Variants in SNX13 observed in about 807,000 individuals in gnomAD.
The protein encoded by SNX13 is sorting nexin-13.
A neutral mutation model predicts 133.6 loss-of-function variants in SNX13; 45 were observed. The ratio of observed to expected loss-of-function variants is 0.34; its 90% CI spans 0.27 to 0.43. The LOEUF is 0.43. SNX13 is among the 20% of genes least tolerant of loss of function. SNX13 has a pLI of 1.00. For missense variants in SNX13, 1,032 were observed against 1,145.1 expected, an observed-to-expected ratio of 0.90 and a Z score of 1.43; for synonymous variants, 414 against 373.9, an observed-to-expected ratio of 1.11 and a Z score of -1.24.
chr7:17,812,879 G>A (rs962350829), intron 20 of SNX13, among the ~76,000 whole-genome samples: 30 of 152,074 alleles, frequency 2.0e-4, no homozygotes, highest in Non-Finnish European at 2.6e-4. Context: ...ATCATTCTCA[G>A]GAAACTAACA....
At chr7:17,935,011 C>T (rs1260652769) in intron 1 of SNX13, among the ~76,000 whole-genome samples, 1 of 152,158 alleles carries the variant, frequency 6.6e-6, no homozygotes, top group Non-Finnish European at 1.5e-5. Context: ...CATACAATCT[C>T]ACTCCTGGGT....
intron 2 of SNX13, among the ~76,000 whole-genome samples, chr7:17,896,594 T>C (rs1322914865): frequency 6.6e-6 from 1 of 152,164 alleles, no homozygotes; most frequent in Non-Finnish European, 1.5e-5. Context: ...CAGTGTTCAT[T>C]CCACAACTAA....
In SNX13 at chr7:17,794,142, C is replaced by T. The variant is rs528497986; in HGVS notation, c.2777G>A (p.Arg926His). The change falls in exon 26 of 26, where the codon CGT becomes CAT. Residue 926 changes from arginine (R) to histidine (H), a missense_variant. Coordinates refer to ENST00000428135, the MANE Select transcript of SNX13 (RefSeq NM_015132.5). The stretch of plus-strand genomic sequence containing the variant: ...TGAATGCAGTTTGTTGAAAAGTTCA[C>T]GGAATTTATACTGTGGAAATAAGGT... Reference protein sequence around the residue: ...LETLFPQYKFRELFNKLHSRS... With the variant: ...LETLFPQYKFHELFNKLHSRS... 3.0e-5 allele frequency: 49 copies of T among 1,611,538 alleles called. No individual in the cohort carries two copies. The African/African-American group carries it at 4.0e-4, about 13-fold the overall frequency.
chr7:17,850,237 G>A, intron 11 of SNX13, 110 bp downstream of exon 11: 1 of 479,606 alleles, frequency 2.1e-6, no homozygotes. Flanking sequence ...AAGTCCTCTT[G>A]TAAAGTGCTG....
Position 17,793,859 on chromosome 7 carries a change from C to T in SNX13, c.*186G>A, listed in dbSNP as rs1202944231. ...ACCAAATCATTTAAGACACAGAAATCTCTCTTGGTAGTGGTGGATTATAGA... is the reference window on the plus strand; with the variant it reads ...ACCAAATCATTTAAGACACAGAAATTTCTCTTGGTAGTGGTGGATTATAGA... On this transcript the variant is annotated 3_prime_UTR_variant, in exon 26 of 26. Transcript: ENST00000428135. 5.1e-6 allele frequency: 3 copies of T among 588,622 alleles called. No individual in the cohort carries two copies. In the African/African-American group the frequency reaches 5.7e-5, roughly 11 times the overall value. 36.5% of individuals were successfully genotyped at this position (588,622 alleles called of 1,614,324 possible). A position where few individuals can be genotyped will look rare whatever the true frequency, so the allele number is the denominator to read the frequency against.
chr7:17,818,421 A>G (rs1786917832), intron 18 of SNX13, among the ~76,000 whole-genome samples: 1 of 152,222 alleles, frequency 6.6e-6, no homozygotes, highest in South Asian at 2.1e-4. Flanking sequence ...ACTCCTTTGT[A>G]AGTTGTCTGT....
At chr7:17,868,224 GA>G in intron 9 of SNX13, 182 bp downstream of exon 9, 1 of 537,486 alleles carries the variant, frequency 1.9e-6, no homozygotes, top group Non-Finnish European at 3.2e-6. Flanking sequence ...TTCTTAAAGA[GA>G]ATTTGGCCAA....
In SNX13 at chr7:17,803,559, G is replaced by A; in HGVS notation, c.2086C>T (p.Leu696Phe). ...GAAACATTCCTCATTGAATTGCGAA[G>A]TGGATTTACAAAAGTGTCCATCTAA... is the stretch of plus-strand genomic sequence containing the variant. ...ARKMDTFVNP[L>F]RNSMRNVSNA... Residue 696 changes from leucine to phenylalanine, a missense_variant, in exon 21 of 26, where the codon CTT becomes TTT. Leu to Phe is a conservative substitution (Grantham distance 22). Coordinates refer to ENST00000428135, the MANE Select transcript of SNX13 (RefSeq NM_015132.5). 6.2e-7 allele frequency: 1 copy of A among 1,609,898 alleles called. No individual in the cohort carries two copies. Among genetic ancestry groups the A allele is most frequent in the Non-Finnish European group, 8.5e-7 (1 of 1,178,104 alleles).
intron 1 of SNX13, among the ~76,000 whole-genome samples, chr7:17,900,775 C>T (rs1398847155): frequency 1.3e-5 from 2 of 152,124 alleles, no homozygotes; most frequent in Admixed American, 1.3e-4. Context: ...GAATCAGGGA[C>T]CCCAAGAGCC....
intron 1 of SNX13, among the ~76,000 whole-genome samples, chr7:17,935,165 C>T (rs1014291843): frequency 4.6e-5 from 7 of 152,108 alleles, no homozygotes; most frequent in Admixed American, 1.3e-4. Context: ...GTGGTAGATA[C>T]AATGGAATAC....
chr7:17,883,021 TA>T, intron 5 of SNX13: 1 of 273,488 alleles, frequency 3.7e-6, no homozygotes, highest in Non-Finnish European at 7.2e-6. Context: ...TACTCTACCA[TA>T]ACAAGAAAAC....
rs1481785781 is a variant in SNX13 at position 17,940,262 on chromosome 7, A to C, written c.12+22T>G. On this transcript the variant is annotated intron_variant, in intron 1 of 25. Coordinates refer to ENST00000428135, the MANE Select transcript of SNX13 (RefSeq NM_015132.5). ...CCCCTTCCCCATTTCACAGGTAAAC[A>C]CTGGCCACCGTCGCCGCTTACCTCA... is the stretch of plus-strand genomic sequence containing the variant. 7 of 1,556,854 alleles carry C rather than the reference A, an allele frequency of 4.5e-6. No homozygotes were observed. In the Admixed American group the frequency reaches 5.8e-5, roughly 13 times the overall value.
At chr7:17,933,841 T>C (rs1801708896) in intron 1 of SNX13, among the ~76,000 whole-genome samples, 1 of 150,038 alleles carries the variant, frequency 6.7e-6, no homozygotes, top group Non-Finnish European at 1.5e-5. Context: ...ATTTCTATAA[T>C]GACTGGCAAT....
At chr7:17,836,301 G>A (rs757162178) in intron 13 of SNX13, among the ~76,000 whole-genome samples, 1 of 151,964 alleles carries the variant, frequency 6.6e-6, no homozygotes, top group Non-Finnish European at 1.5e-5. Context: ...TGGATCACTC[G>A]AGGGCATAAG....
At chr7:17,801,508 T>C (rs878968320) in intron 22 of SNX13, 80 bp downstream of exon 22, 7 of 1,054,984 alleles carry the variant, frequency 6.6e-6, no homozygotes, top group Admixed American at 2.3e-5. Flanking sequence ...TAATGATACA[T>C]AGAACACTTC....
At chr7:17,895,107 A>G (rs919532192) in intron 2 of SNX13, among the ~76,000 whole-genome samples, 4 of 152,354 alleles carry the variant, frequency 2.6e-5, no homozygotes, top group African/African-American at 9.6e-5. Context: ...TTATATTAAC[A>G]CTGTGTTATT....
intron 1 of SNX13, among the ~76,000 whole-genome samples, chr7:17,930,796 G>A (rs1243043682): frequency 4.6e-5 from 7 of 152,064 alleles, no homozygotes; most frequent in Non-Finnish European, 1.0e-4. Context: ...GGCGGGGAGT[G>A]GGCTTTTCCA....
At chr7:17,827,320 C>G (rs1467139423) in intron 16 of SNX13, among the ~76,000 whole-genome samples, 1 of 151,972 alleles carries the variant, frequency 6.6e-6, no homozygotes, top group Non-Finnish European at 1.5e-5. Flanking sequence ...ATCATTCACA[C>G]ATTTCACATA....
chr7:17,902,837 G>A (rs1797982204), intron 1 of SNX13, among the ~76,000 whole-genome samples: 1 of 152,178 alleles, frequency 6.6e-6, no homozygotes, highest in Non-Finnish European at 1.5e-5. Context: ...TCTGCCTCCT[G>A]TCAGAGCAGC....
Sources: gnomAD v4.1 joint callset for allele counts (sites outside exome capture counted in the v4.1 genomes callset) on GRCh38, gnomAD v4.1.1 for gene constraint, MANE v1.5 for transcripts, NCBI Gene and HGNC (gene_info 2026-07-23, HGNC 2026-07-21) for gene names.